The following TMC1 variants were observed in gnomAD, a reference collection of about 807,000 sequenced individuals.
The protein encoded by TMC1 is transmembrane channel-like protein 1.
A neutral mutation model predicts 105.8 loss-of-function variants in TMC1; 84 were observed. The observed-to-expected ratio is 0.79, with a 90% confidence interval of 0.67 to 0.95. The LOEUF is 0.95. TMC1 is among the 40% of genes least tolerant of loss of function. The pLI, the probability that TMC1 is intolerant of heterozygous loss-of-function variation, is 0.00. For missense variants in TMC1, 817 were observed against 914.1 expected (o/e 0.89, Z 1.37); for synonymous variants, 315 against 311.5 (o/e 1.01, Z -0.12).
chr9:72,663,371 T>G (rs1414118101), intron 5 of TMC1, among the ~76,000 whole-genome samples: 1 of 152,194 alleles, frequency 6.6e-6, no homozygotes. Flanking sequence ...AGTGATGTTA[T>G]TTGCAGGAGT....
Position 72,826,879 on chromosome 9 carries a change from A to G in TMC1, c.2014A>G (p.Arg672Gly), listed in dbSNP as rs1164767371. The change falls in exon 21 of 24, where the codon AGA becomes GGA. Residue 672 changes from arginine to glycine, a missense_variant. Transcript: ENST00000297784. ...FDCGPFSGKN[R>G]MFEVIGETLE... ...TTTTAATTCCCCCAGTGGCAAAAAT[A>G]GAATGTTTGAAGTCATTGGAGAGAC... 5 of 1,614,014 alleles carry G rather than the reference A, an allele frequency of 3.1e-6. No homozygotes were observed. Among genetic ancestry groups the G allele is most frequent in the South Asian group, 1.1e-5 (1 of 91,078 alleles).
intron 7 of TMC1, among the ~76,000 whole-genome samples, chr9:72,698,880 G>A (rs549666988): frequency 3.3e-5 from 5 of 152,120 alleles, no homozygotes; most frequent in Non-Finnish European, 7.4e-5. Flanking sequence ...TGGCAAGGAC[G>A]CTCAGCTCCA....
chr9:72,684,619 C>T (rs373095660), intron 5 of TMC1, among the ~76,000 whole-genome samples: 3 of 152,192 alleles, frequency 2.0e-5, no homozygotes, highest in African/African-American at 7.2e-5. Flanking sequence ...ATTTCCAGTC[C>T]AGACCTTTCT....
intron 7 of TMC1, among the ~76,000 whole-genome samples, chr9:72,695,041 C>G (rs999132163): frequency 3.9e-5 from 6 of 152,100 alleles, no homozygotes; most frequent in Non-Finnish European, 7.4e-5. Flanking sequence ...AGTAGAAACT[C>G]CTAAATAGTG....
Position 72,827,695 on chromosome 9 carries a change from T to A in TMC1, c.2129+701T>A, listed in dbSNP as rs148152149. ...TCTAAGTAAAAGTACAGATTTGCTG[T>A]GGAAGAGCCAAAAGCAGCGTCCATC... On this transcript the variant is annotated intron_variant, in intron 21 of 23. Coordinates refer to ENST00000297784, the MANE Select transcript of TMC1 (RefSeq NM_138691.3). Among the ~76,000 whole-genome samples the A allele has an allele frequency of 1.3e-4, 20 of 152,360 alleles. No homozygotes were observed. In the East Asian group the frequency reaches 3.9e-3, roughly 29 times the overall value.
intron 7 of TMC1, among the ~76,000 whole-genome samples, chr9:72,698,198 A>G (rs1006517401): frequency 6.6e-6 from 1 of 152,206 alleles, no homozygotes; most frequent in Non-Finnish European, 1.5e-5. Flanking sequence ...AGAAGAGTGT[A>G]CTTCCCTGGT....
chr9:72,541,881 A>C (rs1399703493), intron 1 of TMC1, among the ~76,000 whole-genome samples: 1 of 152,162 alleles, frequency 6.6e-6, no homozygotes, highest in East Asian at 1.9e-4. Flanking sequence ...CTTAGGAAGA[A>C]GTGAGGTCAT....
At chr9:72,541,614 G>A (rs1201845366) in intron 1 of TMC1, among the ~76,000 whole-genome samples, 1 of 151,474 alleles carries the variant, frequency 6.6e-6, no homozygotes, top group East Asian at 1.9e-4. Flanking sequence ...CTTGAACCCA[G>A]GAGGTGGAGG....
Position 72,612,418 on chromosome 9 carries a change from C to A in TMC1, c.-305-3950C>A, listed in dbSNP as rs138680328. On this transcript the variant is annotated intron_variant, in intron 2 of 23. Transcript: ENST00000297784. The stretch of plus-strand genomic sequence containing the variant: ...TGAACTCCTGGGCTCAAGCAATCCT[C>A]CCACCTTGGCCCCCCAAAATGCTGA... Among the ~76,000 whole-genome samples, 706 of 152,178 alleles carry A rather than the reference C, an allele frequency of 4.6e-3. 7 individuals carry two copies. Among genetic ancestry groups the A allele is most frequent in the African/African-American group, 0.016 (680 of 41,530 alleles).
At chr9:72,559,330 A>G (rs1824003795) in intron 1 of TMC1, among the ~76,000 whole-genome samples, 1 of 152,114 alleles carries the variant, frequency 6.6e-6, no homozygotes, top group Non-Finnish European at 1.5e-5. Flanking sequence ...TCCTGACCTC[A>G]TGATCCACCC....
intron 13 of TMC1, among the ~76,000 whole-genome samples, chr9:72,786,506 A>G (rs1266097956): frequency 1.3e-5 from 2 of 152,158 alleles, no homozygotes; most frequent in African/African-American, 2.4e-5. Flanking sequence ...GCAACAACAT[A>G]TATGCTAGAA....
intron 2 of TMC1, among the ~76,000 whole-genome samples, chr9:72,597,953 C>T (rs562651053): frequency 1.3e-5 from 2 of 152,240 alleles, no homozygotes; most frequent in East Asian, 3.9e-4. Flanking sequence ...CACACTCATC[C>T]CCTTTGCTTT....
intron 5 of TMC1, among the ~76,000 whole-genome samples, chr9:72,656,953 G>T (rs2132157600): frequency 6.6e-6 from 1 of 152,288 alleles, no homozygotes; most frequent in East Asian, 1.9e-4. Context: ...TCCTCTGACT[G>T]GTTGGTAGCC....
At chr9:72,765,244 C>T (rs995227173) in intron 12 of TMC1, among the ~76,000 whole-genome samples, 7 of 152,168 alleles carry the variant, frequency 4.6e-5, no homozygotes, top group African/African-American at 1.7e-4. Context: ...AATTCTTTCC[C>T]AGTTTACCAA....
intron 3 of TMC1, among the ~76,000 whole-genome samples, chr9:72,617,823 A>T (rs978933135): frequency 6.6e-6 from 1 of 151,980 alleles, no homozygotes; most frequent in African/African-American, 2.4e-5. Flanking sequence ...TGCCAGTGGT[A>T]ATCTCCAGGA....
chr9:72,713,941 G>A (rs11507247), intron 8 of TMC1, among the ~76,000 whole-genome samples: 34,416 of 151,754 alleles, frequency 0.23, 4,186 homozygotes, highest in East Asian at 0.38. Flanking sequence ...TGCTTTCAAT[G>A]TGTCCCAGAG....
chr9:72,795,301 T>C (rs552783795), intron 17 of TMC1, among the ~76,000 whole-genome samples: 2 of 152,192 alleles, frequency 1.3e-5, no homozygotes, highest in South Asian at 2.1e-4. Context: ...TACAGAGAAT[T>C]CCTGCAAGAT....
At chr9:72,791,720 T>G (rs1402939260) in intron 15 of TMC1, among the ~76,000 whole-genome samples, 166 bp from the exon 16 acceptor site, 2 of 152,200 alleles carry the variant, frequency 1.3e-5, no homozygotes, top group Non-Finnish European at 2.9e-5. Flanking sequence ...TTGAATATTT[T>G]CCCTGTCATT....
chr9:72,650,894 A>ATATATATATATATATATATC (rs1265125231), intron 5 of TMC1, among the ~76,000 whole-genome samples: 1 of 142,010 alleles, frequency 7.0e-6, no homozygotes, highest in Non-Finnish European at 1.5e-5. Flanking sequence ...ATATATAGAT[A>ATATATATATATATATATATC]TATATATAAA....
Sources: allele counts gnomAD v4.1 joint callset (sites outside exome capture counted in the v4.1 genomes callset), GRCh38; gene constraint gnomAD v4.1.1; transcripts MANE v1.5; gene names NCBI Gene and HGNC (gene_info 2026-07-23, HGNC 2026-07-21).